Variants in TTLL5 observed in about 807,000 individuals in gnomAD.
TTLL5 encodes tubulin polyglutamylase TTLL5.
In TTLL5, 132 loss-of-function variants were observed where a neutral mutation model predicts 168.4. The observed-to-expected ratio is 0.78, with a 90% CI of 0.68 to 0.91. The LOEUF is 0.91. Among genes scored for constraint, TTLL5 ranks in the 40% least tolerant of loss-of-function variants. The probability of loss-of-function intolerance (pLI) is 0.00; values close to 1 mark genes in which losing one functional copy is unlikely to be tolerated. For synonymous variants in TTLL5, 546 were observed against 558.6 expected (o/e 0.98, Z 0.32); for missense variants, 1,545 against 1,581.5 (o/e 0.98, Z 0.39).
chr14:75,923,956 T>C (rs963958472), intron 31 of TTLL5, among the ~76,000 whole-genome samples: 2 of 152,204 alleles, frequency 1.3e-5, no homozygotes, highest in African/African-American at 4.8e-5. Context: ...TTTACCATTA[T>C]GTAATGGCCT....
intron 31 of TTLL5, 99 bp downstream of exon 31, chr14:75,902,323 A>G: frequency 8.1e-7 from 1 of 1,240,414 alleles, no homozygotes; most frequent in South Asian, 1.3e-5. Context: ...CCCCAGTTCA[A>G]AGAATGAAAC....
intron 15 of TTLL5, among the ~76,000 whole-genome samples, chr14:75,738,734 G>A (rs1363313549): frequency 6.6e-6 from 1 of 152,170 alleles, no homozygotes; most frequent in African/African-American, 2.4e-5. Context: ...AGTACGTTAG[G>A]AAAGGGGTAC....
intron 27 of TTLL5, among the ~76,000 whole-genome samples, chr14:75,807,996 A>G (rs1893755509): frequency 6.6e-6 from 1 of 152,212 alleles, no homozygotes; most frequent in Admixed American, 6.5e-5. Context: ...AGTATAGTCA[A>G]CTGATTCTTC....
intron 21 of TTLL5, among the ~76,000 whole-genome samples, chr14:75,773,667 T>G (rs965030535): frequency 1.3e-5 from 2 of 151,650 alleles, no homozygotes; most frequent in African/African-American, 4.8e-5. Context: ...GGCGGGTGGA[T>G]CAGTTGAGGT....
chr14:75,703,322 T>G (rs1238117274), intron 7 of TTLL5, among the ~76,000 whole-genome samples: 2 of 152,148 alleles, frequency 1.3e-5, no homozygotes, highest in Non-Finnish European at 2.9e-5. Flanking sequence ...TTTTGGAAAC[T>G]CTCTGCAAAT....
At chr14:75,947,940 A>AG (rs1203908560) in intron 31 of TTLL5, among the ~76,000 whole-genome samples, 2 of 6,198 alleles carry the variant, frequency 3.2e-4, no homozygotes, top group East Asian at 3.6e-3. Context: ...ACCCTGTCTC[A>AG]AAAAAAAAAA....
intron 3 of TTLL5, among the ~76,000 whole-genome samples, chr14:75,679,028 C>A (rs1884393832): frequency 6.6e-6 from 1 of 152,102 alleles, no homozygotes. Flanking sequence ...TAGCTGGATT[C>A]TCTGTAAATA....
chr14:75,715,056 C>T (rs1018590597), intron 9 of TTLL5, among the ~76,000 whole-genome samples: 1 of 152,072 alleles, frequency 6.6e-6, no homozygotes, highest in African/African-American at 2.4e-5. Context: ...ATCTCTTTTC[C>T]AACAGCAGGA....
intron 31 of TTLL5, among the ~76,000 whole-genome samples, chr14:75,936,586 T>C (rs913311699): frequency 7.2e-5 from 11 of 152,220 alleles, no homozygotes; most frequent in Admixed American, 2.6e-4. Flanking sequence ...TTTCCAGCAG[T>C]GACCACAGAG....
At chr14:75,810,334 A>G (rs1185356596) in intron 27 of TTLL5, among the ~76,000 whole-genome samples, 3 of 151,706 alleles carry the variant, frequency 2.0e-5, no homozygotes, top group African/African-American at 4.9e-5. Flanking sequence ...TAACTAAATC[A>G]TCTTCTCTCT....
chr14:75,720,748 TG>T (rs746179354), intron 12 of TTLL5, 45 bp downstream of exon 12: 1 of 1,533,876 alleles, frequency 6.5e-7, no homozygotes, highest in East Asian at 2.3e-5. Flanking sequence ...AAGAGGATCT[TG>T]GGAAGTTGGA....
At chr14:75,681,102 CAT>C (rs565199185) in intron 3 of TTLL5, among the ~76,000 whole-genome samples, 131 of 152,062 alleles carry the variant, frequency 8.6e-4, no homozygotes, top group Middle Eastern at 3.4e-3. Flanking sequence ...GAAATTGTGA[CAT>C]GTGCTTTTTT....
At chr14:75,714,779 C>T (rs1456622203) in intron 9 of TTLL5, among the ~76,000 whole-genome samples, 17 of 152,162 alleles carry the variant, frequency 1.1e-4, no homozygotes, top group Admixed American at 1.1e-3. Context: ...CTCCAAGGAG[C>T]ACTGGTTGCT....
intron 28 of TTLL5, among the ~76,000 whole-genome samples, chr14:75,848,805 C>G (rs1896691265): frequency 1.3e-5 from 2 of 152,236 alleles, no homozygotes. Context: ...AAGTTGCCTT[C>G]TACAACAGTG....
chr14:75,844,536 TA>T (rs1896441182), intron 28 of TTLL5, among the ~76,000 whole-genome samples: 1 of 152,224 alleles, frequency 6.6e-6, no homozygotes. Flanking sequence ...CTCTTTCCTT[TA>T]TTCTGTATGT....
At chr14:75,880,779 T>A (rs1158631618) in intron 29 of TTLL5, among the ~76,000 whole-genome samples, 1 of 152,218 alleles carries the variant, frequency 6.6e-6, no homozygotes, top group African/African-American at 2.4e-5. Context: ...TGGTTCCTTG[T>A]CCTGAGGAGG....
chr14:75,703,954 G>A (rs1241084256), intron 7 of TTLL5, among the ~76,000 whole-genome samples: 1 of 152,154 alleles, frequency 6.6e-6, no homozygotes, highest in Admixed American at 6.6e-5. Flanking sequence ...AGGTAGTGAT[G>A]AATGCTGTTG....
intron 2 of TTLL5, among the ~76,000 whole-genome samples, chr14:75,666,864 T>A (rs773871332): frequency 1.3e-5 from 2 of 152,230 alleles, no homozygotes; most frequent in South Asian, 2.1e-4. Flanking sequence ...ATAAAGTGAA[T>A]CATAAAACTG....
At chr14:75,703,692 CAT>C (rs1886444639) in intron 7 of TTLL5, among the ~76,000 whole-genome samples, 1 of 152,190 alleles carries the variant, frequency 6.6e-6, no homozygotes, top group South Asian at 2.1e-4. Flanking sequence ...GAGACTTTCA[CAT>C]GTTAGGAGAG....
Sources: allele counts gnomAD v4.1 joint callset (sites outside exome capture counted in the v4.1 genomes callset), GRCh38; gene constraint gnomAD v4.1.1; transcripts MANE v1.5; gene names NCBI Gene and HGNC (gene_info 2026-07-23, HGNC 2026-07-21).